Variants in CPXM2 observed in about 807,000 individuals in gnomAD.
The protein encoded by CPXM2 is inactive carboxypeptidase-like protein X2.
A neutral mutation model predicts 86.1 loss-of-function variants in CPXM2; 66 were observed. The observed-to-expected ratio is 0.77, with a 90% CI of 0.63 to 0.94. The LOEUF is 0.94. Among genes scored for constraint, CPXM2 ranks in the 40% least tolerant of loss-of-function variants. The probability of loss-of-function intolerance (pLI) is 0.00; values close to 1 mark genes in which losing one functional copy is unlikely to be tolerated. For missense variants in CPXM2, 948 were observed against 1,026.3 expected (o/e 0.92, Z 1.04); for synonymous variants, 388 against 400.2 (o/e 0.97, Z 0.36).
chr10:123,854,371 TATA>T (rs2134178497), intron 3 of CPXM2, among the ~76,000 whole-genome samples: 1 of 83,458 alleles, frequency 1.2e-5, no homozygotes, highest in Admixed American at 1.3e-4. Flanking sequence ...AATATATATA[TATA>T]ATATATATAT....
intron 2 of CPXM2, among the ~76,000 whole-genome samples, chr10:123,906,551 A>G (rs2134266079): frequency 6.6e-6 from 1 of 152,358 alleles, no homozygotes; most frequent in South Asian, 2.1e-4. Flanking sequence ...TGATATTGGA[A>G]TAAAATTTAA....
intron 9 of CPXM2, among the ~76,000 whole-genome samples, chr10:123,767,437 C>T (rs1846505247): frequency 1.3e-5 from 2 of 152,216 alleles, no homozygotes; most frequent in Admixed American, 1.3e-4. Flanking sequence ...TCCACCCCTA[C>T]CTTCCTCTCT....
At position 123,800,350 on chromosome 10, in the gene CPXM2, C is replaced by T. The variant is rs937657329; in HGVS notation, c.654-1151G>A. On this transcript the variant is annotated intron_variant, in intron 4 of 13. Coordinates refer to ENST00000241305, the MANE Select transcript of CPXM2 (RefSeq NM_198148.3). Reference sequence around the variant, plus strand: ...CTGAATACCCGTTAGAAGCCAGAATCGATCACACACCACATTCCTCCTCTG... The same window carrying T: ...CTGAATACCCGTTAGAAGCCAGAATTGATCACACACCACATTCCTCCTCTG... Among the ~76,000 whole-genome samples, 20 of 150,874 alleles carry T rather than the reference C, an allele frequency of 1.3e-4. No homozygotes were observed. The East Asian group carries it at 2.3e-3, about 17-fold the overall frequency.
At chr10:123,862,242 C>G (rs1435251813) in intron 3 of CPXM2, among the ~76,000 whole-genome samples, 1 of 152,198 alleles carries the variant, frequency 6.6e-6, no homozygotes, top group African/African-American at 2.4e-5. Context: ...GGCAGGGAGG[C>G]AAGGGAAGAC....
intron 2 of CPXM2, among the ~76,000 whole-genome samples, chr10:123,912,840 C>T (rs1306663475): frequency 6.6e-6 from 1 of 152,242 alleles, no homozygotes; most frequent in Non-Finnish European, 1.5e-5. Flanking sequence ...AGCCACACAA[C>T]AGGTTCAACT....
At chr10:123,767,803 C>T (rs72841699) in intron 9 of CPXM2, among the ~76,000 whole-genome samples, 2 of 152,138 alleles carry the variant, frequency 1.3e-5, no homozygotes, top group Non-Finnish European at 2.9e-5. Context: ...AACTGGAACA[C>T]AAAATGTAAA....
chr10:123,796,564 T>C (rs1847339884), intron 6 of CPXM2, among the ~76,000 whole-genome samples: 1 of 150,114 alleles, frequency 6.7e-6, no homozygotes, highest in Non-Finnish European at 1.5e-5. Context: ...CTCACCAACA[T>C]GAGGTTTGTA....
chr10:123,832,629 C>T (rs148077416), intron 4 of CPXM2, among the ~76,000 whole-genome samples: 5,050 of 152,076 alleles, frequency 0.033, 288 homozygotes, highest in African/African-American at 0.11. Context: ...GAGTTCAAGA[C>T]CAGTCTGACC....
At chr10:123,898,081 C>T (rs368387431) in intron 2 of CPXM2, among the ~76,000 whole-genome samples, 8 of 152,214 alleles carry the variant, frequency 5.3e-5, no homozygotes, top group African/African-American at 1.7e-4. Flanking sequence ...GATGTTTCTG[C>T]AAGAGAACAT....
At chr10:123,776,498 CGCAGTGA>C (rs1304931913) in intron 7 of CPXM2, among the ~76,000 whole-genome samples, 2 of 152,112 alleles carry the variant, frequency 1.3e-5, no homozygotes, top group African/African-American at 4.8e-5. Context: ...AAATGTTATG[CGCAGTGA>C]CACTTGTTGT....
At chr10:123,873,554 C>A (rs979523366) in intron 2 of CPXM2, among the ~76,000 whole-genome samples, 4 of 152,174 alleles carry the variant, frequency 2.6e-5, no homozygotes, top group Non-Finnish European at 5.9e-5. Context: ...CAAGTACACA[C>A]AATGGGTCAA....
chr10:123,927,900 C>T (rs1945637835), intron 2 of CPXM2, among the ~76,000 whole-genome samples: 1 of 152,212 alleles, frequency 6.6e-6, no homozygotes, highest in Admixed American at 6.5e-5. Context: ...CAGGAACCCC[C>T]CAGTGTTGGG....
chr10:123,908,029 A>G (rs1352881040), intron 2 of CPXM2, among the ~76,000 whole-genome samples: 1 of 152,094 alleles, frequency 6.6e-6, no homozygotes, highest in Non-Finnish European at 1.5e-5. Flanking sequence ...GACTTTAAAC[A>G]GGGGAGAGAT....
chr10:123,851,345 A>G (rs1415088232), intron 3 of CPXM2, among the ~76,000 whole-genome samples: 5 of 152,222 alleles, frequency 3.3e-5, no homozygotes, highest in African/African-American at 9.6e-5. Context: ...CATCCTCAGG[A>G]AAGTCCTCCA....
intron 2 of CPXM2, among the ~76,000 whole-genome samples, chr10:123,871,946 G>C (rs1230185167): frequency 1.3e-5 from 2 of 152,092 alleles, no homozygotes; most frequent in Non-Finnish European, 2.9e-5. Context: ...TTATCCTAAT[G>C]GTAAGTAAGC....
intron 12 of CPXM2, among the ~76,000 whole-genome samples, chr10:123,756,117 C>T (rs1200719399): frequency 6.6e-6 from 1 of 152,208 alleles, no homozygotes; most frequent in Non-Finnish European, 1.5e-5. Flanking sequence ...AAGTGCCAGC[C>T]AAAGCCATGG....
chr10:123,909,748 A>G (rs1051502483), intron 2 of CPXM2, among the ~76,000 whole-genome samples: 1 of 152,244 alleles, frequency 6.6e-6, no homozygotes, highest in Non-Finnish European at 1.5e-5. Flanking sequence ...AAGGCAGGAT[A>G]ACTATAACCA....
intron 4 of CPXM2, among the ~76,000 whole-genome samples, chr10:123,808,820 C>T (rs1160475583): frequency 6.6e-6 from 1 of 152,156 alleles, no homozygotes; most frequent in Non-Finnish European, 1.5e-5. Context: ...GTAATTATCA[C>T]ATTTTTAAGT....
intron 4 of CPXM2, among the ~76,000 whole-genome samples, chr10:123,827,847 A>G (rs1279172482): frequency 6.6e-6 from 1 of 152,204 alleles, no homozygotes; most frequent in Admixed American, 6.5e-5. Context: ...GTATGATAGT[A>G]AGGGTTCTGT....
Sources: gnomAD v4.1 joint callset for allele counts (sites outside exome capture counted in the v4.1 genomes callset) on GRCh38, gnomAD v4.1.1 for gene constraint, MANE v1.5 for transcripts, NCBI Gene and HGNC (gene_info 2026-07-23, HGNC 2026-07-21) for gene names.